ADCK1: variants seen among roughly 807,000 people sequenced by gnomAD.
ADCK1 encodes aarF domain containing kinase 1, also known as aarF domain-containing protein kinase 1.
In ADCK1, 41 loss-of-function variants were observed where a neutral mutation model predicts 52.3. That is an observed-to-expected ratio of 0.78 (90% CI 0.61 to 1.02). The LOEUF (loss-of-function observed/expected upper bound fraction) is 1.02, where lower values mean the gene tolerates loss of function less well. ADCK1 is among the 50% of genes least tolerant of loss of function. ADCK1 has a pLI of 0.00. For missense variants in ADCK1, 658 were observed against 679.5 expected, an observed-to-expected ratio of 0.97 and a Z score of 0.35; for synonymous variants, 250 against 274.6, an observed-to-expected ratio of 0.91 and a Z score of 0.89.
In ADCK1 at chr14:77,899,222, G is replaced by A. The variant is rs779060993; in HGVS notation, c.705G>A (p.Lys235=). The A allele has an allele frequency of 5.0e-6, 8 of 1,614,080 alleles. No individual in the cohort carries two copies. The highest frequency in any genetic ancestry group is 5.1e-6 in the Non-Finnish European group (6 of 1,180,028). The change falls in exon 6 of 11, where the codon AAG becomes AAA. Residue 235 remains lysine (K), a synonymous_variant. Coordinates refer to ENST00000238561, the MANE Select transcript of ADCK1 (RefSeq NM_020421.4). Reference sequence around the variant, plus strand: ...TCAATGAAGGGAGGAATGCTGAGAAGGTGTCCCAGATGCTCAGGCATTTTG... The same window carrying A: ...TCAATGAAGGGAGGAATGCTGAGAAAGTGTCCCAGATGCTCAGGCATTTTG... ...DFLNEGRNAE[K]VSQMLRHFDF... is the part of the protein sequence containing the mutation.
chr14:77,854,330 G>A (rs1052165615), intron 3 of ADCK1, among the ~76,000 whole-genome samples: 1 of 152,140 alleles, frequency 6.6e-6, no homozygotes, highest in Non-Finnish European at 1.5e-5. Flanking sequence ...GAGAGGTCTG[G>A]GAAGGAGATA....
At chr14:77,905,080 A>T (rs1375553145) in intron 6 of ADCK1, among the ~76,000 whole-genome samples, 3 of 152,000 alleles carry the variant, frequency 2.0e-5, no homozygotes, top group African/African-American at 7.3e-5. Flanking sequence ...GTGGTTCTGA[A>T]GCTCCCATGA....
intron 3 of ADCK1, among the ~76,000 whole-genome samples, chr14:77,854,499 C>T (rs1018180656): frequency 5.3e-5 from 8 of 151,500 alleles, no homozygotes; most frequent in East Asian, 3.9e-4. Context: ...TTGGAGGGAC[C>T]GCTCCTCCCA....
intron 5 of ADCK1, among the ~76,000 whole-genome samples, chr14:77,891,934 A>G (rs1338624326): frequency 6.6e-6 from 1 of 152,240 alleles, no homozygotes; most frequent in African/African-American, 2.4e-5. Flanking sequence ...ATATTTAGGA[A>G]TGACAATCCA....
intron 4 of ADCK1, among the ~76,000 whole-genome samples, chr14:77,863,389 C>T (rs1327620531): frequency 6.6e-6 from 1 of 151,858 alleles, no homozygotes; most frequent in African/African-American, 2.4e-5. Flanking sequence ...ATAGAGTTAT[C>T]GTGGAAATTA....
chr14:77,874,804 AAAGCTTT>A (rs1357125687), intron 4 of ADCK1, among the ~76,000 whole-genome samples: 1 of 152,184 alleles, frequency 6.6e-6, no homozygotes, highest in African/African-American at 2.4e-5. Context: ...GGAGAAAAAT[AAAGCTTT>A]AATAACACCT....
intron 4 of ADCK1, among the ~76,000 whole-genome samples, chr14:77,872,972 G>A (rs993248894): frequency 3.9e-5 from 6 of 152,106 alleles, no homozygotes; most frequent in African/African-American, 1.2e-4. Context: ...CACTGTGCCC[G>A]GCCTCCCCAC....
At chr14:77,858,525 C>T (rs139348712) in intron 3 of ADCK1, among the ~76,000 whole-genome samples, 1 of 152,154 alleles carries the variant, frequency 6.6e-6, no homozygotes, top group Admixed American at 6.5e-5. Context: ...CAAGCGTGAG[C>T]CACCGCGCCT....
rs116740896 is a variant in ADCK1 at position 77,855,586 on chromosome 14, A to T, written c.220-3490A>T. 4.0e-3 allele frequency among the ~76,000 whole-genome samples: 611 copies of T among 152,334 alleles called. 5 individuals are homozygous for T. Among genetic ancestry groups the T allele is most frequent in the African/African-American group, 0.013 (555 of 41,572 alleles). The stretch of plus-strand genomic sequence containing the variant: ...TTTCCCCTAAGACATGATGAGCTTT[A>T]CTTTGCTGTCTAAATGACAACGTAA... On this transcript the variant is annotated intron_variant, in intron 3 of 10. Transcript: ENST00000238561.
chr14:77,819,663 C>T (rs2081539508), intron 2 of ADCK1, among the ~76,000 whole-genome samples: 1 of 152,196 alleles, frequency 6.6e-6, no homozygotes, highest in South Asian at 2.1e-4. Flanking sequence ...GAGGTTTTCT[C>T]CAGTGGCTCA....
intron 4 of ADCK1, among the ~76,000 whole-genome samples, chr14:77,881,155 T>C (rs2083013659): frequency 6.6e-6 from 1 of 152,230 alleles, no homozygotes; most frequent in Non-Finnish European, 1.5e-5. Context: ...ACAGTTTCTT[T>C]GGGTCAGGAA....
rs1254110302 is a variant in ADCK1, at chr14:77,817,826, T to C, written c.-11-1142T>C. ...TCTCGGCTTACTGCAAGCTCCGCCT[T>C]CCGGGTTCACGCCATTCTCCTGCCT... On this transcript the variant is annotated intron_variant, in intron 1 of 10. Coordinates refer to ENST00000238561, the MANE Select transcript of ADCK1 (RefSeq NM_020421.4). Among the ~76,000 whole-genome samples, 14 of 151,676 alleles carry C rather than the reference T, an allele frequency of 9.2e-5. 1 individual carries two copies. The highest frequency in any genetic ancestry group is 6.8e-3 in the Middle Eastern group (2 of 292).
Position 77,832,000 on chromosome 14 carries a change from C to T in ADCK1, c.219+9482C>T, listed in dbSNP as rs558524721. On this transcript the variant is annotated intron_variant, in intron 3 of 10. Transcript: ENST00000238561. ...TGATGGCTTTTTTTTTTTTTTGAGACGGAGTCTCACTGTATCACCCAGGCT... is the reference window on the plus strand; with the variant it reads ...TGATGGCTTTTTTTTTTTTTTGAGATGGAGTCTCACTGTATCACCCAGGCT... Among the ~76,000 whole-genome samples, 10 of 148,262 alleles carry T rather than the reference C, an allele frequency of 6.7e-5. No homozygotes were observed. In the South Asian group the frequency reaches 8.6e-4, roughly 13 times the overall value.
chr14:77,878,561 T>C (rs2082949305), intron 4 of ADCK1, among the ~76,000 whole-genome samples: 1 of 152,188 alleles, frequency 6.6e-6, no homozygotes, highest in Non-Finnish European at 1.5e-5. Flanking sequence ...ACCACCTCTC[T>C]CAACTGTGGT....
At chr14:77,883,975 A>G (rs1011566479) in intron 4 of ADCK1, among the ~76,000 whole-genome samples, 1 of 152,172 alleles carries the variant, frequency 6.6e-6, no homozygotes, top group Admixed American at 6.5e-5. Flanking sequence ...CCTGGAGATT[A>G]GGATCTGCTC....
intron 7 of ADCK1, 62 bp from the exon 8 acceptor site, chr14:77,924,395 C>T: frequency 3.1e-6 from 5 of 1,588,256 alleles, no homozygotes; most frequent in South Asian, 1.1e-5. Context: ...AGAGACCAGA[C>T]AGAGGTCCCT....
chr14:77,833,277 G>T (rs547879997), intron 3 of ADCK1, among the ~76,000 whole-genome samples: 1 of 152,312 alleles, frequency 6.6e-6, no homozygotes, highest in East Asian at 1.9e-4. Context: ...CAGCTCCTTT[G>T]CACGTGCAGC....
intron 7 of ADCK1, among the ~76,000 whole-genome samples, chr14:77,919,844 G>C (rs2084009452): frequency 1.3e-5 from 2 of 151,966 alleles, no homozygotes; most frequent in South Asian, 2.1e-4. Flanking sequence ...GTGACGTTGA[G>C]CATTTTTTCA....
intron 1 of ADCK1, among the ~76,000 whole-genome samples, chr14:77,804,290 A>C (rs942603981): frequency 1.3e-5 from 2 of 152,220 alleles, no homozygotes; most frequent in African/African-American, 4.8e-5. Context: ...CACGCCTGAC[A>C]GGGTCTTTTA....
Sources: allele counts gnomAD v4.1 joint callset (sites outside exome capture counted in the v4.1 genomes callset), GRCh38; gene constraint gnomAD v4.1.1; transcripts MANE v1.5; gene names NCBI Gene and HGNC (gene_info 2026-07-23, HGNC 2026-07-21).